Variants in FKBP5 observed in about 807,000 individuals in gnomAD.
FKBP5 encodes FKBP prolyl isomerase 5, also known as peptidyl-prolyl cis-trans isomerase FKBP5.
Under a neutral mutation model 50.5 loss-of-function variants are expected in FKBP5, and 23 were observed. That is an observed-to-expected ratio of 0.46 (90% CI 0.33 to 0.65). The LOEUF (loss-of-function observed/expected upper bound fraction) is 0.65, where lower values mean the gene tolerates loss of function less well. Ranked by LOEUF, FKBP5 falls within the 30% of genes least tolerant of loss-of-function variation. FKBP5 has a pLI of 0.02. For synonymous variants in FKBP5, 176 were observed against 190.6 expected, an observed-to-expected ratio of 0.92 and a Z score of 0.63; for missense variants, 411 against 553.1, an observed-to-expected ratio of 0.74 and a Z score of 2.58.
chr6:35,620,370 T>A, intron 3 of FKBP5, 96 bp from the exon 4 acceptor site: 1 of 1,268,690 alleles, frequency 7.9e-7, no homozygotes, highest in Non-Finnish European at 1.1e-6. Flanking sequence ...TTTTTCATAC[T>A]ACATACTCAG....
intron 8 of FKBP5, chr6:35,582,729 C>T: frequency 9.1e-6 from 9 of 984,418 alleles, no homozygotes; most frequent in Non-Finnish European, 1.1e-5. Context: ...TTTTTGGATG[C>T]TACAAAAAAA....
chr6:35,581,355 C>T, intron 8 of FKBP5: 3 of 320,434 alleles, frequency 9.4e-6, no homozygotes, highest in Non-Finnish European at 1.3e-5. Context: ...ACCTGTAATC[C>T]CAGCACTTTG....
chr6:35,658,784 T>C lies in FKBP5; in HGVS notation c.-19-15941A>G, dbSNP rs1330586240. ...TTTACTAAAATTTTGTTAAAAAATATTGCTGGCTGGGTGTGGTGGCTTACA... is the reference window on the plus strand; with the variant it reads ...TTTACTAAAATTTTGTTAAAAAATACTGCTGGCTGGGTGTGGTGGCTTACA... On this transcript the variant is annotated intron_variant, in intron 1 of 10. Transcript: ENST00000357266. 2.4e-5 allele frequency among the ~76,000 whole-genome samples: 2 copies of C among 84,562 alleles called. 1 individual carries two copies. Among genetic ancestry groups the C allele is most frequent in the Non-Finnish European group, 5.4e-5 (2 of 36,702 alleles). The allele number at this position is 84,562 out of a possible 152,430, so 55.5% of individuals were successfully genotyped here. A position where few individuals can be genotyped will look rare whatever the true frequency, so the allele number is the denominator to read the frequency against.
At chr6:35,595,744 T>C (rs1762966156) in intron 6 of FKBP5, among the ~76,000 whole-genome samples, 1 of 151,322 alleles carries the variant, frequency 6.6e-6, no homozygotes, top group East Asian at 2.0e-4. Context: ...AGTGAGATCC[T>C]GTTACCAAAA....
At chr6:35,578,940 C>T (rs919307030) in intron 9 of FKBP5, among the ~76,000 whole-genome samples, 3 of 151,440 alleles carry the variant, frequency 2.0e-5, no homozygotes, top group Non-Finnish European at 2.9e-5. Flanking sequence ...TGGAAGACCC[C>T]CATCTCTACA....
chr6:35,713,533 C>T (rs1275638172), intron 2 of FKBP5, among the ~76,000 whole-genome samples: 2 of 152,180 alleles, frequency 1.3e-5, no homozygotes, highest in Non-Finnish European at 2.9e-5. Flanking sequence ...ACCTACCCTT[C>T]TAGCAAGCAG....
chr6:35,701,889 C>G (rs1455118888), intron 2 of FKBP5, among the ~76,000 whole-genome samples: 1 of 151,096 alleles, frequency 6.6e-6, no homozygotes, highest in Non-Finnish European at 1.5e-5. Context: ...ACTCTGTCAC[C>G]CAGGCTGGAG....
At chr6:35,581,697 C>T (rs1173700469) in intron 8 of FKBP5, 20 of 985,298 alleles carry the variant, frequency 2.0e-5, no homozygotes, top group Middle Eastern at 5.2e-4. Flanking sequence ...CTGGTAAATA[C>T]GCAAATAGAA....
chr6:35,698,740 C>G (rs532014383), intron 2 of FKBP5, among the ~76,000 whole-genome samples: 55 of 152,308 alleles, frequency 3.6e-4, no homozygotes, highest in African/African-American at 1.1e-3. Context: ...GCTTCTGCTT[C>G]TAATCATGGC....
chr6:35,714,482 G>T (rs1766477949), intron 2 of FKBP5, among the ~76,000 whole-genome samples: 2 of 143,106 alleles, frequency 1.4e-5, no homozygotes, highest in African/African-American at 5.2e-5. Context: ...AGAAAAACAA[G>T]ATGTATAGGA....
At chr6:35,704,978 A>C (rs1766265088) in intron 2 of FKBP5, among the ~76,000 whole-genome samples, 1 of 151,052 alleles carries the variant, frequency 6.6e-6, no homozygotes, top group Admixed American at 6.6e-5. Context: ...CATCTCTACT[A>C]AAAATACAAA....
At chr6:35,719,421 T>C (rs1395582053) in intron 2 of FKBP5, among the ~76,000 whole-genome samples, 4 of 152,188 alleles carry the variant, frequency 2.6e-5, no homozygotes, top group Non-Finnish European at 5.9e-5. Flanking sequence ...TTGTCAAAAT[T>C]CATCAGGCTG....
intron 7 of FKBP5, among the ~76,000 whole-genome samples, 180 bp downstream of exon 7, chr6:35,590,950 A>G (rs1300986457): frequency 2.6e-5 from 4 of 151,844 alleles, no homozygotes; most frequent in East Asian, 3.9e-4. Flanking sequence ...CCTTCGTTGT[A>G]TATCAGCTGT....
At chr6:35,670,493 G>A (rs903817972) in intron 1 of FKBP5, among the ~76,000 whole-genome samples, 6 of 151,748 alleles carry the variant, frequency 4.0e-5, no homozygotes, top group African/African-American at 1.5e-4. Context: ...TAACACTTTG[G>A]GAGGCTGAGG....
intron 1 of FKBP5, among the ~76,000 whole-genome samples, chr6:35,649,683 A>G (rs1764734915): frequency 6.6e-6 from 1 of 152,214 alleles, no homozygotes; most frequent in African/African-American, 2.4e-5. Context: ...CGAAACATGA[A>G]ATGCTTTGAG....
intron 2 of FKBP5, among the ~76,000 whole-genome samples, chr6:35,715,441 T>C (rs1048968091): frequency 1.3e-5 from 2 of 152,214 alleles, no homozygotes; most frequent in African/African-American, 4.8e-5. Flanking sequence ...TATATATGTA[T>C]GTGCAAAGTA....
At chr6:35,601,921 G>A (rs558613907) in intron 5 of FKBP5, among the ~76,000 whole-genome samples, 2 of 152,204 alleles carry the variant, frequency 1.3e-5, no homozygotes, top group African/African-American at 2.4e-5. Context: ...GGGGAGGGAG[G>A]TCCTCCAAAT....
At chr6:35,690,572 G>A (rs565619489), upstream of FKBP5, among the ~76,000 whole-genome samples, 6 of 152,244 alleles carry the variant, frequency 3.9e-5, no homozygotes, top group South Asian at 1.2e-3. Context: ...TGTCCTCAGT[G>A]CCTAGAAGCT....
At chr6:35,711,378 G>T (rs1276346819) in intron 2 of FKBP5, among the ~76,000 whole-genome samples, 1 of 151,488 alleles carries the variant, frequency 6.6e-6, no homozygotes, top group Non-Finnish European at 1.5e-5. Flanking sequence ...AACAGTTTGG[G>T]AGGCCAAGGT....
Sources: gnomAD v4.1 joint callset for allele counts (sites outside exome capture counted in the v4.1 genomes callset) on GRCh38, gnomAD v4.1.1 for gene constraint, MANE v1.5 for transcripts, NCBI Gene and HGNC (gene_info 2026-07-23, HGNC 2026-07-21) for gene names.